The following RAD51 variants were observed in gnomAD, a reference collection of about 807,000 sequenced individuals.
The protein encoded by RAD51 is DNA repair protein RAD51 homolog 1.
RAD51 carries 14 observed loss-of-function variants against 41.5 expected under a neutral mutation model. That is an observed-to-expected ratio of 0.34 (90% CI 0.22 to 0.53). The LOEUF (loss-of-function observed/expected upper bound fraction) is 0.53, where lower values mean the gene tolerates loss of function less well. RAD51 is among the 20% of genes least tolerant of loss of function. The pLI is 0.95. For missense variants in RAD51, 234 were observed against 422.0 expected, an observed-to-expected ratio of 0.55 and a Z score of 3.90; for synonymous variants, 136 against 148.6, an observed-to-expected ratio of 0.92 and a Z score of 0.62.
At chr15:40,710,017 CG>C (rs1337678317) in intron 5 of RAD51, among the ~76,000 whole-genome samples, 2 of 151,664 alleles carry the variant, frequency 1.3e-5, no homozygotes, top group African/African-American at 2.4e-5. Flanking sequence ...CCGAGGTGGG[CG>C]GATCACAAGG....
intron 2 of RAD51, among the ~76,000 whole-genome samples, chr15:40,699,484 C>T (rs909135501): frequency 6.6e-6 from 1 of 152,160 alleles, no homozygotes; most frequent in African/African-American, 2.4e-5. Context: ...TGGGTCTTAA[C>T]TGTGTTGACC....
At chr15:40,699,628 C>G (rs1330986139) in intron 2 of RAD51, among the ~76,000 whole-genome samples, 2 of 152,194 alleles carry the variant, frequency 1.3e-5, no homozygotes, top group African/African-American at 2.4e-5. Context: ...AAGTGCTGTT[C>G]TGGGAATTAT....
In RAD51 at chr15:40,701,191, A is replaced by T. The variant is rs1164062003; in HGVS notation, c.215A>T (p.Asp72Val). The stretch of plus-strand genomic sequence containing the variant: ...AAGGGAATTAGTGAAGCCAAAGCTG[A>T]TAAAATTCTGGTAAGTACTGCTTAC... ...NIKGISEAKA[D>V]KILAEAAKLV... Residue 72 changes from aspartate (D) to valine (V), a missense_variant, in exon 3 of 10, where the codon GAT becomes GTT. Asp to Val is a radical substitution (Grantham distance 152). This residue lies in a region of RAD51 where 100 missense variants were observed against 135.5 expected (regional missense o/e 0.74). Coordinates refer to ENST00000267868, the MANE Select transcript of RAD51 (RefSeq NM_002875.5). The T allele has an allele frequency of 6.2e-7, 1 of 1,614,068 alleles. No individual in the cohort carries two copies. Among genetic ancestry groups the T allele is most frequent in the Non-Finnish European group, 8.5e-7 (1 of 1,180,018 alleles).
chr15:40,724,889 A>ATTTTTT (rs34086110), intron 6 of RAD51, among the ~76,000 whole-genome samples: 4 of 55,408 alleles, frequency 7.2e-5, no homozygotes, highest in Non-Finnish European at 9.5e-5. Flanking sequence ...ATTTTTTTTA[A>ATTTTTT]TTTTTTTTTT....
chr15:40,719,350 C>T (rs1896153011), intron 6 of RAD51, among the ~76,000 whole-genome samples: 2 of 151,464 alleles, frequency 1.3e-5, no homozygotes, highest in African/African-American at 4.9e-5. Context: ...TGAGCCACCG[C>T]ACCCGGCCAG....
chr15:40,721,058 C>T (rs1477470941), intron 6 of RAD51, among the ~76,000 whole-genome samples: 15 of 152,158 alleles, frequency 9.9e-5, no homozygotes, highest in Non-Finnish European at 1.9e-4. Flanking sequence ...GGCACACTGC[C>T]TGTAGTCTGA....
At chr15:40,704,091 T>C (rs986424190) in intron 3 of RAD51, among the ~76,000 whole-genome samples, 1 of 151,852 alleles carries the variant, frequency 6.6e-6, no homozygotes, top group Admixed American at 6.6e-5. Context: ...TATTTTATTT[T>C]TGAGACGGAG....
At chr15:40,694,761 C>T (rs1894501854), upstream of RAD51, 1 of 152,178 alleles carries the variant, frequency 6.6e-6, no homozygotes, top group African/African-American at 2.4e-5. Context: ...AGTCCCGGGC[C>T]GACGCATTAC....
chr15:40,696,974 C>G (rs1038076106), intron 1 of RAD51, among the ~76,000 whole-genome samples: 2 of 152,160 alleles, frequency 1.3e-5, no homozygotes, highest in Non-Finnish European at 2.9e-5. Flanking sequence ...TCTTTATATA[C>G]TGGTTATCAG....
intron 5 of RAD51, 37 bp from the exon 6 acceptor site, chr15:40,718,768 C>A (rs199773759): frequency 2.7e-6 from 4 of 1,504,662 alleles, no homozygotes; most frequent in Admixed American, 1.7e-5. Context: ...ATCAGAAATA[C>A]AATGTTCATT....
At chr15:40,715,538 A>C (rs1254652912) in intron 5 of RAD51, among the ~76,000 whole-genome samples, 2 of 152,228 alleles carry the variant, frequency 1.3e-5, no homozygotes, top group Non-Finnish European at 2.9e-5. Context: ...AGAAGTGTTA[A>C]ATTATGCTCC....
intron 6 of RAD51, among the ~76,000 whole-genome samples, chr15:40,726,806 G>T (rs1328432377): frequency 6.6e-6 from 1 of 151,738 alleles, no homozygotes; most frequent in African/African-American, 2.4e-5. Flanking sequence ...CCAGCTACTC[G>T]GGAGGCTGAG....
intron 4 of RAD51, among the ~76,000 whole-genome samples, chr15:40,706,643 T>C (rs1010888651): frequency 6.6e-6 from 1 of 152,100 alleles, no homozygotes; most frequent in East Asian, 1.9e-4. Flanking sequence ...CGGAGGTTGC[T>C]GTGAGCCAAG....
intron 6 of RAD51, among the ~76,000 whole-genome samples, chr15:40,720,961 C>T (rs1275156503): frequency 3.3e-5 from 5 of 152,240 alleles, no homozygotes; most frequent in African/African-American, 9.6e-5. Context: ...GTGGGCGGAT[C>T]ACCTGAGGTC....
intron 4 of RAD51, among the ~76,000 whole-genome samples, chr15:40,707,150 A>ATTTTTTTTTTTT (rs751900607): frequency 1.1e-5 from 1 of 93,612 alleles, no homozygotes; most frequent in Non-Finnish European, 2.1e-5. Flanking sequence ...CACCTGGCTA[A>ATTTTTTTTTTTT]TTTTTTTTTT....
At chr15:40,699,741 G>A (rs1894865617) in intron 2 of RAD51, among the ~76,000 whole-genome samples, 1 of 152,200 alleles carries the variant, frequency 6.6e-6, no homozygotes, top group African/African-American at 2.4e-5. Flanking sequence ...GGGTGTGGTG[G>A]TGTTATGGTA....
At chr15:40,696,501 A>G (rs1460764174) in intron 1 of RAD51, among the ~76,000 whole-genome samples, 1 of 152,162 alleles carries the variant, frequency 6.6e-6, no homozygotes, top group Non-Finnish European at 1.5e-5. Flanking sequence ...CCTGGGAGGT[A>G]TAAGCTGCAG....
At chr15:40,698,725 T>C in intron 1 of RAD51, 32 bp from the exon 2 acceptor site, 1 of 1,579,174 alleles carries the variant, frequency 6.3e-7, no homozygotes, top group South Asian at 1.1e-5. Context: ...ATTTCTCTAG[T>C]GTTTATACTG....
intron 1 of RAD51, among the ~76,000 whole-genome samples, chr15:40,697,490 C>G (rs1313572988): frequency 6.6e-6 from 1 of 151,576 alleles, no homozygotes; most frequent in African/African-American, 2.4e-5. Flanking sequence ...AAATCTTTTT[C>G]TGTCCCAAGG....
Sources: gnomAD v4.1 joint callset for allele counts (sites outside exome capture counted in the v4.1 genomes callset) on GRCh38, gnomAD v4.1.1 for gene constraint, gnomAD v4.1.1 regional missense constraint, MANE v1.5 for transcripts, NCBI Gene and HGNC (gene_info 2026-07-23, HGNC 2026-07-21) for gene names.